Variants in SLC41A2 observed in about 807,000 individuals in gnomAD.
SLC41A2 encodes solute carrier family 41 member 2.
In SLC41A2, 32 loss-of-function variants were observed where a neutral mutation model predicts 58.3. The ratio of observed to expected loss-of-function variants is 0.55; its 90% CI spans 0.41 to 0.74. The LOEUF is 0.74. Ranked by LOEUF, SLC41A2 falls within the 30% of genes least tolerant of loss-of-function variation. The pLI is 0.00. For synonymous variants in SLC41A2, 190 were observed against 235.0 expected (o/e 0.81, Z 1.75); for missense variants, 514 against 680.6 (o/e 0.76, Z 2.72).
rs113881792 is a variant in SLC41A2, at chr12:104,862,073, T to C, written c.1176-703A>G. Among the ~76,000 whole-genome samples, 520 of 152,302 alleles carry C rather than the reference T, an allele frequency of 3.4e-3. 2 individuals carry two copies. The highest frequency in any genetic ancestry group is 0.012 in the African/African-American group (483 of 41,578). On this transcript the variant is annotated intron_variant, in intron 7 of 10. Transcript: ENST00000258538. The stretch of plus-strand genomic sequence containing the variant: ...AACATCAGTTTCTGGGTCTGTGTAG[T>C]ATAAAACATTGCCAGTCCTAATATT...
chr12:104,948,507 A>T (rs1001099582), intron 1 of SLC41A2, among the ~76,000 whole-genome samples: 1 of 151,260 alleles, frequency 6.6e-6, no homozygotes, highest in East Asian at 1.9e-4. Context: ...TATCTTTTGT[A>T]AAAAAAACCT....
chr12:104,932,624 C>CAAAAA (rs544329617), intron 1 of SLC41A2, among the ~76,000 whole-genome samples: 6 of 46,054 alleles, frequency 1.3e-4, no homozygotes, highest in Non-Finnish European at 2.5e-4. Flanking sequence ...GACTTTGTCT[C>CAAAAA]AAAAAAAAAA....
intron 1 of SLC41A2, among the ~76,000 whole-genome samples, chr12:104,932,593 C>T (rs2047095743): frequency 1.4e-5 from 2 of 142,250 alleles, no homozygotes; most frequent in Admixed American, 7.2e-5. Flanking sequence ...TCACTGCAGT[C>T]CAGCCTGGGT....
chr12:104,805,058 G>A lies in SLC41A2; in HGVS notation c.*94C>T. 1 of 1,142,344 alleles carries A rather than the reference G, an allele frequency of 8.8e-7. No individual in the cohort carries two copies. Among genetic ancestry groups the A allele is most frequent in the African/African-American group, 1.6e-5 (1 of 63,498 alleles). The allele number at this position is 1,142,344 out of a possible 1,614,324, so 70.8% of individuals were successfully genotyped here. ...CCAACTGAAGATTACCCTGGCAAAA[G>A]TCAAACTACTGATTTAAGAGTTTTG... On this transcript the variant is annotated 3_prime_UTR_variant, in exon 11 of 11. Transcript: ENST00000258538.
intron 2 of SLC41A2, among the ~76,000 whole-genome samples, chr12:104,918,121 G>A (rs2046413930): frequency 6.6e-6 from 1 of 151,586 alleles, no homozygotes; most frequent in South Asian, 2.1e-4. Flanking sequence ...TGATGAGATT[G>A]GTAAAGATCA....
At chr12:104,871,563 T>A (rs1593039485) in intron 6 of SLC41A2, among the ~76,000 whole-genome samples, 1 of 152,368 alleles carries the variant, frequency 6.6e-6, no homozygotes, top group East Asian at 1.9e-4. Context: ...TTGCCATTTT[T>A]ATTTTTCTAT....
intron 7 of SLC41A2, among the ~76,000 whole-genome samples, chr12:104,861,876 G>A (rs539644989): frequency 1.5e-4 from 23 of 152,276 alleles, no homozygotes; most frequent in African/African-American, 5.3e-4. Flanking sequence ...GTTAGGATGT[G>A]TCTTATTACT....
At chr12:104,933,358 T>C (rs2047141133) in intron 1 of SLC41A2, among the ~76,000 whole-genome samples, 1 of 152,158 alleles carries the variant, frequency 6.6e-6, no homozygotes, top group African/African-American at 2.4e-5. Flanking sequence ...AAAACTCCCA[T>C]TATTAAAATG....
intron 6 of SLC41A2, among the ~76,000 whole-genome samples, chr12:104,869,238 T>C (rs2043635623): frequency 6.6e-6 from 1 of 152,122 alleles, no homozygotes; most frequent in African/African-American, 2.4e-5. Context: ...CTTATGAATA[T>C]GCCAAAAACC....
chr12:104,951,961 T>A (rs1440548793), intron 1 of SLC41A2, among the ~76,000 whole-genome samples: 7 of 151,968 alleles, frequency 4.6e-5, no homozygotes, highest in Non-Finnish European at 7.4e-5. Context: ...CTGTGAGCAA[T>A]CTGTGTCACT....
intron 3 of SLC41A2, among the ~76,000 whole-genome samples, chr12:104,899,017 T>C (rs770439393): frequency 6.6e-6 from 1 of 152,176 alleles, no homozygotes; most frequent in Non-Finnish European, 1.5e-5. Context: ...TCTCATTCAT[T>C]GCTGGTGTAA....
chr12:104,879,257 G>A (rs1026691971), intron 6 of SLC41A2, among the ~76,000 whole-genome samples: 1 of 152,130 alleles, frequency 6.6e-6, no homozygotes, highest in African/African-American at 2.4e-5. Flanking sequence ...CATTCTATAG[G>A]TTACCTGATC....
intron 6 of SLC41A2, among the ~76,000 whole-genome samples, chr12:104,876,663 A>G (rs1265902907): frequency 6.6e-6 from 1 of 152,092 alleles, no homozygotes; most frequent in Non-Finnish European, 1.5e-5. Flanking sequence ...ATCTTCTCAA[A>G]GTCTTCTTTG....
Position 104,804,930 on chromosome 12 carries a change from T to G in SLC41A2, c.*222A>C. ...GCTGGAACTTATATCTATGTCTATG[T>G]CAAATTATCATTTATTCTATGAAAA... On this transcript the variant is annotated 3_prime_UTR_variant, in exon 11 of 11. Coordinates refer to ENST00000258538, the MANE Select transcript of SLC41A2 (RefSeq NM_001352171.3). 2.8e-6 allele frequency: 1 copy of G among 360,660 alleles called. No individual in the cohort carries two copies. The highest frequency in any genetic ancestry group is 4.6e-5 in the East Asian group (1 of 21,952). The allele number at this position is 360,660 out of a possible 1,614,324, so 22.3% of individuals were successfully genotyped here.
At chr12:104,956,304 A>G (rs186490439) in intron 1 of SLC41A2, among the ~76,000 whole-genome samples, 107 of 152,274 alleles carry the variant, frequency 7.0e-4, no homozygotes, top group African/African-American at 2.6e-3. Flanking sequence ...GATTGGTTGG[A>G]TTTTTTCAAG....
intron 10 of SLC41A2, among the ~76,000 whole-genome samples, chr12:104,841,050 T>C (rs1358396073): frequency 1.3e-5 from 2 of 152,068 alleles, no homozygotes; most frequent in Non-Finnish European, 2.9e-5. Flanking sequence ...TATACAAAAG[T>C]AGAATAGTAT....
Position 104,886,284 on chromosome 12 carries a change from T to C in SLC41A2, c.1027+9A>G, listed in dbSNP as rs781438139. On this transcript the variant is annotated intron_variant, in intron 6 of 10. Transcript: ENST00000258538. ...ACAACACACAATATTTAGTTTTAAATCAACTTACCAAGACAGGAGTATAAG... is the reference window on the plus strand; with the variant it reads ...ACAACACACAATATTTAGTTTTAAACCAACTTACCAAGACAGGAGTATAAG... 2 of 1,610,912 alleles carry C rather than the reference T, an allele frequency of 1.2e-6. No homozygotes were observed. Among genetic ancestry groups the C allele is most frequent in the East Asian group, 2.2e-5 (1 of 44,824 alleles).
intron 1 of SLC41A2, among the ~76,000 whole-genome samples, chr12:104,948,456 G>C (rs908225227): frequency 5.9e-5 from 9 of 152,034 alleles, no homozygotes; most frequent in African/African-American, 2.2e-4. Flanking sequence ...ACTATTTAAA[G>C]CAAAAAGAAT....
intron 5 of SLC41A2, 24 bp downstream of exon 5, chr12:104,889,004 ATAGAG>A (rs764421745): frequency 1.3e-6 from 2 of 1,539,984 alleles, no homozygotes; most frequent in Non-Finnish European, 1.7e-6. Context: ...GTAAAAGGCT[ATAGAG>A]TAGACATTTA....
Sources: gnomAD v4.1 joint callset for allele counts (sites outside exome capture counted in the v4.1 genomes callset) on GRCh38, gnomAD v4.1.1 for gene constraint, MANE v1.5 for transcripts, NCBI Gene and HGNC (gene_info 2026-07-23, HGNC 2026-07-21) for gene names.